Variants in MACROD2 observed in about 807,000 individuals in gnomAD.
MACROD2 encodes the protein mono-ADP ribosylhydrolase 2.
MACROD2 carries 36 observed loss-of-function variants against 70.4 expected under a neutral mutation model. The ratio of observed to expected loss-of-function variants is 0.51; its 90% CI spans 0.39 to 0.68. The LOEUF is 0.68. MACROD2 is among the 30% of genes least tolerant of loss of function. The pLI, the probability that MACROD2 is intolerant of heterozygous loss-of-function variation, is 0.00. For synonymous variants in MACROD2, 172 were observed against 178.8 expected (o/e 0.96, Z 0.30); for missense variants, 496 against 538.4 (o/e 0.92, Z 0.78).
At chr20:15,857,328 G>A (rs1001053065) in intron 8 of MACROD2, among the ~76,000 whole-genome samples, 4 of 152,198 alleles carry the variant, frequency 2.6e-5, no homozygotes, top group African/African-American at 9.6e-5. Context: ...CAAAGCGGGA[G>A]AGAACAAAGA....
At chr20:14,318,097 T>G (rs2082629041) in intron 3 of MACROD2, among the ~76,000 whole-genome samples, 1 of 152,164 alleles carries the variant, frequency 6.6e-6, no homozygotes, top group Non-Finnish European at 1.5e-5. Context: ...AAATGCGAGT[T>G]TCCAGCAGTG....
intron 5 of MACROD2, among the ~76,000 whole-genome samples, chr20:14,880,126 CAG>C (rs1347446830): frequency 6.6e-6 from 1 of 152,056 alleles, no homozygotes; most frequent in Non-Finnish European, 1.5e-5. Flanking sequence ...ACTTGAGACG[CAG>C]AATCAATTCA....
chr20:14,093,936 G>A (rs1439689723), intron 3 of MACROD2, among the ~76,000 whole-genome samples: 2 of 151,946 alleles, frequency 1.3e-5, no homozygotes, highest in Non-Finnish European at 2.9e-5. Flanking sequence ...ACAGGCAGAG[G>A]CCAGATCATG....
At chr20:15,888,909 C>T (rs768864999) in intron 10 of MACROD2, among the ~76,000 whole-genome samples, 1 of 152,110 alleles carries the variant, frequency 6.6e-6, no homozygotes, top group African/African-American at 2.4e-5. Context: ...GAGTCTAAAC[C>T]AGCCTCCCAA....
chr20:15,771,581 C>T (rs2051628235), intron 8 of MACROD2, among the ~76,000 whole-genome samples: 1 of 151,590 alleles, frequency 6.6e-6, no homozygotes, highest in Non-Finnish European at 1.5e-5. Flanking sequence ...TACTTTCTGT[C>T]TGTCTGTATA....
At chr20:15,769,293 G>A (rs957852384) in intron 8 of MACROD2, among the ~76,000 whole-genome samples, 3 of 152,002 alleles carry the variant, frequency 2.0e-5, no homozygotes, top group South Asian at 4.2e-4. Context: ...AATTACAGGC[G>A]TGCGCCACCA....
rs147444951 is a variant in MACROD2, at chr20:14,766,727, T to G, written c.418+81768T>G. On this transcript the variant is annotated intron_variant, in intron 5 of 17. Transcript: ENST00000684519. Reference sequence around the variant, plus strand: ...CCATGTAGGATAGATTAAATTAGTTTGTCATCTCAAGGAGCTTGTTCTTAA... The same window carrying G: ...CCATGTAGGATAGATTAAATTAGTTGGTCATCTCAAGGAGCTTGTTCTTAA... 1.7e-4 allele frequency among the ~76,000 whole-genome samples: 26 copies of G among 152,236 alleles called. 1 individual carries two copies. Among genetic ancestry groups the G allele is most frequent in the African/African-American group, 6.0e-4 (25 of 41,500 alleles).
At chr20:16,017,768 G>A (rs1359407429) in intron 15 of MACROD2, among the ~76,000 whole-genome samples, 1 of 152,190 alleles carries the variant, frequency 6.6e-6, no homozygotes. Context: ...CATATTGCCA[G>A]AGGCTCACAT....
chr20:14,038,024 G>T (rs2053340594), intron 2 of MACROD2, among the ~76,000 whole-genome samples: 1 of 152,188 alleles, frequency 6.6e-6, no homozygotes, highest in Admixed American at 6.5e-5. Context: ...ACCAGGCGCA[G>T]TGGCTCACGC....
At chr20:15,691,629 T>A (rs994794112) in intron 8 of MACROD2, among the ~76,000 whole-genome samples, 1 of 152,146 alleles carries the variant, frequency 6.6e-6, no homozygotes, top group Non-Finnish European at 1.5e-5. Context: ...AATGAGATAA[T>A]GCATGGAATG....
chr20:14,858,779 C>A (rs964502641), intron 5 of MACROD2, among the ~76,000 whole-genome samples: 4 of 152,030 alleles, frequency 2.6e-5, no homozygotes, highest in Admixed American at 2.6e-4. Context: ...CGTAGCAATG[C>A]GACTTTAAAC....
intron 5 of MACROD2, among the ~76,000 whole-genome samples, chr20:14,912,420 A>G (rs1381529630): frequency 2.0e-5 from 3 of 152,222 alleles, no homozygotes; most frequent in South Asian, 2.1e-4. Flanking sequence ...TAATTTATTT[A>G]AAGTATATAT....
chr20:15,977,135 G>A (rs6080069), intron 13 of MACROD2, among the ~76,000 whole-genome samples: 18,938 of 152,148 alleles, frequency 0.12, 1,336 homozygotes, highest in East Asian at 0.25. Flanking sequence ...TGATATAGAC[G>A]AAGCCAGATC....
intron 5 of MACROD2, among the ~76,000 whole-genome samples, chr20:14,891,214 A>G (rs981008864): frequency 1.2e-4 from 19 of 152,086 alleles, no homozygotes; most frequent in Non-Finnish European, 1.8e-4. Flanking sequence ...TGTCCCTAAC[A>G]TTCCAAAACT....
chr20:15,862,707 T>A, intron 8 of MACROD2, 38 bp from the exon 9 acceptor site: 3 of 1,497,826 alleles, frequency 2.0e-6, no homozygotes, highest in South Asian at 1.2e-5. Flanking sequence ...AATTGCCATA[T>A]TTTTTTTCAC....
intron 15 of MACROD2, among the ~76,000 whole-genome samples, chr20:15,996,962 C>T (rs1261079410): frequency 6.6e-6 from 1 of 152,082 alleles, no homozygotes; most frequent in African/African-American, 2.4e-5. Context: ...AGAGACTATC[C>T]TTTCACTGTT....
intron 8 of MACROD2, among the ~76,000 whole-genome samples, chr20:15,702,291 A>G (rs2050471691): frequency 6.6e-6 from 1 of 152,204 alleles, no homozygotes; most frequent in Admixed American, 6.5e-5. Flanking sequence ...AGCTGTGTAT[A>G]AGTATTCCCT....
At chr20:14,629,147 T>TTG (rs144773473) in intron 4 of MACROD2, among the ~76,000 whole-genome samples, 6,913 of 150,896 alleles carry the variant, frequency 0.046, 181 homozygotes, top group Admixed American at 0.052. Flanking sequence ...TAGAGGACTT[T>TTG]TGTGTGTGTG....
intron 3 of MACROD2, among the ~76,000 whole-genome samples, chr20:14,397,146 C>T (rs1393135910): frequency 6.6e-6 from 1 of 151,636 alleles, no homozygotes; most frequent in Non-Finnish European, 1.5e-5. Flanking sequence ...AGGCATGTGC[C>T]ACCACACCTG....
Sources: allele counts gnomAD v4.1 joint callset (sites outside exome capture counted in the v4.1 genomes callset), GRCh38; gene constraint gnomAD v4.1.1; transcripts MANE v1.5; gene names NCBI Gene and HGNC (gene_info 2026-07-23, HGNC 2026-07-21).